Variants in TMEM132D observed in about 807,000 individuals in gnomAD.
The protein encoded by TMEM132D is mature OL transmembrane protein.
A neutral mutation model predicts 62.3 loss-of-function variants in TMEM132D; 21 were observed. The ratio of observed to expected loss-of-function variants is 0.34; its 90% CI spans 0.24 to 0.49. TMEM132D has a LOEUF of 0.49. TMEM132D is among the 20% of genes least tolerant of loss of function. The pLI is 0.99. For missense variants in TMEM132D, 1,346 were observed against 1,402.8 expected (o/e 0.96, Z 0.65); for synonymous variants, 621 against 575.6 (o/e 1.08, Z -1.13).
At chr12:129,203,839 G>A (rs1452000663) in intron 5 of TMEM132D, among the ~76,000 whole-genome samples, 1 of 152,252 alleles carries the variant, frequency 6.6e-6, no homozygotes, top group Non-Finnish European at 1.5e-5. Flanking sequence ...TCTGCCAATT[G>A]TGGCTCCTGC....
intron 2 of TMEM132D, among the ~76,000 whole-genome samples, chr12:129,600,644 C>A (rs1878460680): frequency 6.6e-6 from 1 of 152,206 alleles, no homozygotes; most frequent in East Asian, 1.9e-4. Flanking sequence ...CATTAGAAGG[C>A]ATGAAAATAA....
At chr12:129,287,216 A>C (rs1316407349) in intron 4 of TMEM132D, among the ~76,000 whole-genome samples, 2 of 152,234 alleles carry the variant, frequency 1.3e-5, no homozygotes, top group Non-Finnish European at 2.9e-5. Context: ...TGAACTGATG[A>C]ATCCGGGATA....
chr12:129,575,228 T>C (rs1461845423), intron 2 of TMEM132D, among the ~76,000 whole-genome samples: 3 of 151,772 alleles, frequency 2.0e-5, no homozygotes, highest in Non-Finnish European at 2.9e-5. Context: ...ATACAAAATA[T>C]GTTAACTGGC....
chr12:129,835,841 TG>T (rs1872988571), intron 1 of TMEM132D, among the ~76,000 whole-genome samples: 1 of 152,168 alleles, frequency 6.6e-6, no homozygotes, highest in Non-Finnish European at 1.5e-5. Context: ...CCTTCATTGC[TG>T]GAGCACCTCA....
chr12:129,893,033 C>A (rs148888460), intron 1 of TMEM132D, among the ~76,000 whole-genome samples: 7 of 152,174 alleles, frequency 4.6e-5, no homozygotes, highest in Admixed American at 1.3e-4. Flanking sequence ...CATGGCACCA[C>A]GCCCAGCTAA....
intron 1 of TMEM132D, among the ~76,000 whole-genome samples, chr12:129,729,235 G>C (rs957780128): frequency 6.6e-6 from 1 of 152,086 alleles, no homozygotes; most frequent in Non-Finnish European, 1.5e-5. Context: ...CTGGACCATA[G>C]AGTCACTGGC....
Position 129,325,209 on chromosome 12 carries a change from C to T in TMEM132D, c.1299+12425G>A, listed in dbSNP as rs552967145. 2.6e-5 allele frequency among the ~76,000 whole-genome samples: 4 copies of T among 152,352 alleles called. No homozygotes were observed. In the South Asian group the frequency reaches 8.3e-4, roughly 32 times the overall value. ...GACAGTAGTCCAAGTGCTACAAACA[C>T]AGCATGAACACAACTACCCCTATTC... is the stretch of plus-strand genomic sequence containing the variant. On this transcript the variant is annotated intron_variant, in intron 4 of 8. Transcript: ENST00000422113.
intron 4 of TMEM132D, among the ~76,000 whole-genome samples, chr12:129,290,735 C>A (rs1200713558): frequency 6.6e-6 from 1 of 152,174 alleles, no homozygotes; most frequent in Non-Finnish European, 1.5e-5. Context: ...ATTCAGGAAT[C>A]ATTTCTGTAA....
At chr12:129,266,889 C>T (rs1320910372) in intron 4 of TMEM132D, among the ~76,000 whole-genome samples, 2 of 152,166 alleles carry the variant, frequency 1.3e-5, no homozygotes, top group Non-Finnish European at 2.9e-5. Flanking sequence ...TGTCTCCAAA[C>T]AGAGCTCTAC....
chr12:129,765,307 C>T (rs10773702), intron 1 of TMEM132D, among the ~76,000 whole-genome samples: 144,085 of 152,212 alleles, frequency 0.95, 68,475 homozygotes, highest in Non-Finnish European at 1. Flanking sequence ...TGGCTCATGC[C>T]TGTAATCCCA....
intron 2 of TMEM132D, among the ~76,000 whole-genome samples, chr12:129,545,028 G>A (rs1306912652): frequency 6.6e-6 from 1 of 152,238 alleles, no homozygotes; most frequent in Non-Finnish European, 1.5e-5. Flanking sequence ...TTGGCTCAAT[G>A]CATCCAATGA....
intron 3 of TMEM132D, among the ~76,000 whole-genome samples, chr12:129,515,098 A>G (rs1043086007): frequency 6.6e-6 from 1 of 152,132 alleles, no homozygotes; most frequent in Non-Finnish European, 1.5e-5. Flanking sequence ...ATTTCCAATC[A>G]ATATTTGCTC....
At chr12:129,724,144 G>A (rs1410327263) in intron 1 of TMEM132D, among the ~76,000 whole-genome samples, 5 of 152,292 alleles carry the variant, frequency 3.3e-5, no homozygotes, top group Non-Finnish European at 5.9e-5. Context: ...CCAAGACAGC[G>A]GGGGCTTCAT....
At chr12:129,326,435 C>A (rs574436139) in intron 4 of TMEM132D, among the ~76,000 whole-genome samples, 3 of 152,258 alleles carry the variant, frequency 2.0e-5, no homozygotes, top group African/African-American at 7.2e-5. Context: ...ATGCTTTATG[C>A]ATTCATATAC....
chr12:129,427,217 A>G (rs1388129296), intron 3 of TMEM132D, among the ~76,000 whole-genome samples: 1 of 152,242 alleles, frequency 6.6e-6, no homozygotes, highest in East Asian at 1.9e-4. Context: ...CAGGAAAACA[A>G]ATAACATACG....
intron 1 of TMEM132D, among the ~76,000 whole-genome samples, chr12:129,846,043 A>G (rs1873351748): frequency 6.6e-6 from 1 of 152,160 alleles, no homozygotes; most frequent in Non-Finnish European, 1.5e-5. Flanking sequence ...GCAATGATAA[A>G]CCAACATGGA....
rs553745447 is a variant in TMEM132D at position 129,172,523 on chromosome 12, G to A, written c.1443+36997C>T. 1.9e-4 allele frequency among the ~76,000 whole-genome samples: 29 copies of A among 152,284 alleles called. No homozygotes were observed. The South Asian group carries it at 5.8e-3, about 30-fold the overall frequency. Reference sequence around the variant, plus strand: ...AACCATTTCTAGCTTTTGATTTAAAGTGACAGACTCTTCCTTTCATTTGAA... The same window carrying A: ...AACCATTTCTAGCTTTTGATTTAAAATGACAGACTCTTCCTTTCATTTGAA... On this transcript the variant is annotated intron_variant, in intron 5 of 8. Coordinates refer to ENST00000422113, the MANE Select transcript of TMEM132D (RefSeq NM_133448.3).
Position 129,747,655 on chromosome 12 carries a change from ACAGACACACACATT to A in TMEM132D, c.80-46971_80-46958del, listed in dbSNP as rs1196443099. On this transcript the variant is annotated intron_variant, in intron 1 of 8. Coordinates refer to ENST00000422113, the MANE Select transcript of TMEM132D (RefSeq NM_133448.3). ...ACACAGTCAGATACATACACCAGAC[ACAGACACACACATT>A]CAGACACACACAGACATGCACTCAG... Among the ~76,000 whole-genome samples the A allele has an allele frequency of 2.0e-5, 3 of 150,708 alleles. No individual in the cohort carries two copies. The East Asian group carries it at 5.9e-4, about 30-fold the overall frequency.
intron 2 of TMEM132D, among the ~76,000 whole-genome samples, chr12:129,650,261 A>G (rs1175387877): frequency 6.6e-6 from 1 of 152,042 alleles, no homozygotes; most frequent in Non-Finnish European, 1.5e-5. Flanking sequence ...TTTTTGCTCG[A>G]TATTATGTTT....
Sources: gnomAD v4.1 joint callset for allele counts (sites outside exome capture counted in the v4.1 genomes callset) on GRCh38, gnomAD v4.1.1 for gene constraint, MANE v1.5 for transcripts, NCBI Gene and HGNC (gene_info 2026-07-23, HGNC 2026-07-21) for gene names.